STIMATE: variants seen among roughly 807,000 people sequenced by gnomAD.
The protein encoded by STIMATE is STIM activating enhancer, also known as store-operated calcium entry regulator STIMATE.
Under a neutral mutation model 36.7 loss-of-function variants are expected in STIMATE, and 15 were observed. The observed-to-expected ratio is 0.41, with a 90% CI of 0.27 to 0.63. STIMATE has a LOEUF of 0.63. Among genes scored for constraint, STIMATE ranks in the 20% least tolerant of loss-of-function variants. STIMATE has a pLI of 0.32. For synonymous variants in STIMATE, 163 were observed against 162.3 expected (o/e 1.00, Z -0.03); for missense variants, 305 against 397.3 (o/e 0.77, Z 1.98).
In STIMATE at chr3:52,873,564, A is replaced by G. The variant is rs1436239307; in HGVS notation, c.161-18120T>C. On this transcript the variant is annotated intron_variant, in intron 1 of 7. Coordinates refer to ENST00000355083, the MANE Select transcript of STIMATE (RefSeq NM_198563.5). The stretch of plus-strand genomic sequence containing the variant: ...ACTGGTACCAAGGGTAGCCTCAGTG[A>G]ACTAACTGAGCCTTCTGGGAACCAG... 2.0e-5 allele frequency among the ~76,000 whole-genome samples: 3 copies of G among 152,174 alleles called. No individual in the cohort carries two copies. In the East Asian group the frequency reaches 5.8e-4, roughly 29 times the overall value.
intron 1 of STIMATE, among the ~76,000 whole-genome samples, chr3:52,859,915 C>T (rs1701186292): frequency 6.6e-6 from 1 of 151,988 alleles, no homozygotes; most frequent in African/African-American, 2.4e-5. Context: ...TGCCCTGAGA[C>T]AGCCACATAT....
At chr3:52,883,839 CTG>C (rs1701649204) in intron 1 of STIMATE, among the ~76,000 whole-genome samples, 1 of 152,090 alleles carries the variant, frequency 6.6e-6, no homozygotes, top group Non-Finnish European at 1.5e-5. Flanking sequence ...ATATTTATAA[CTG>C]TTTTTCAATC....
intron 1 of STIMATE, among the ~76,000 whole-genome samples, chr3:52,863,171 A>G (rs1020900387): frequency 7.2e-5 from 11 of 152,328 alleles, no homozygotes; most frequent in Middle Eastern, 3.4e-3. Context: ...TTTTCTTTCA[A>G]TGAAATTCAG....
intron 1 of STIMATE, among the ~76,000 whole-genome samples, chr3:52,875,412 C>G (rs1559496856): frequency 6.6e-6 from 1 of 152,178 alleles, no homozygotes; most frequent in Non-Finnish European, 1.5e-5. Context: ...TCAAGCAGCA[C>G]AGACATTAAT....
intron 1 of STIMATE, among the ~76,000 whole-genome samples, chr3:52,868,300 C>G (rs530449485): frequency 6.6e-6 from 1 of 152,220 alleles, no homozygotes; most frequent in South Asian, 2.1e-4. Flanking sequence ...TATTTCCCAG[C>G]CTCCCCTGCT....
rs370545730 is a variant in STIMATE at position 52,873,010 on chromosome 3, G to A, written c.161-17566C>T. The stretch of plus-strand genomic sequence containing the variant: ...TTTTGGTAAAGACTTAATTTCTTCT[G>A]AACCAGATGAAGCCCAGGTTCTAAG... On this transcript the variant is annotated intron_variant, in intron 1 of 7. Transcript: ENST00000355083. Among the ~76,000 whole-genome samples the A allele has an allele frequency of 2.6e-5, 4 of 152,328 alleles. 1 individual carries two copies.
chr3:52,840,642 C>A (rs1195365562), intron 7 of STIMATE, 32 bp from the exon 8 acceptor site: 1 of 1,597,488 alleles, frequency 6.3e-7, no homozygotes, highest in Non-Finnish European at 8.5e-7. Flanking sequence ...GCCTGAGTCA[C>A]CCCCAGCAGG....
intron 2 of STIMATE, among the ~76,000 whole-genome samples, chr3:52,853,821 T>A (rs1559491532): frequency 6.7e-6 from 1 of 148,874 alleles, no homozygotes; most frequent in Non-Finnish European, 1.5e-5. Flanking sequence ...ATTACTGACG[T>A]TTCCTCTGAA....
intron 4 of STIMATE, among the ~76,000 whole-genome samples, chr3:52,846,294 G>C (rs988377624): frequency 1.3e-5 from 2 of 152,226 alleles, no homozygotes; most frequent in Non-Finnish European, 1.5e-5. Context: ...ATCCCTCCTT[G>C]CTAGGTTGTT....
In STIMATE at chr3:52,838,210, T is replaced by C. The variant is rs1276865125; in HGVS notation, c.*2284A>G. On this transcript the variant is annotated 3_prime_UTR_variant, in exon 8 of 8. Transcript: ENST00000355083. ...TTTGTTCCCCAAACCCTCTGCTCAC[T>C]GGGAAGTGGGCAAAGCCTTCAGATG... 6.6e-6 allele frequency: 1 copy of C among 152,178 alleles called. No individual in the cohort carries two copies. Among genetic ancestry groups the C allele is most frequent in the East Asian group, 1.9e-4 (1 of 5,188 alleles). 9.4% of individuals were successfully genotyped at this position (152,178 alleles called of 1,614,324 possible). A position where few individuals can be genotyped will look rare whatever the true frequency, so the allele number is the denominator to read the frequency against.
At position 52,855,343 on chromosome 3, in the gene STIMATE, AC is replaced by A. The variant is rs1701074060; in HGVS notation, c.209+52del. On this transcript the variant is annotated intron_variant, in intron 2 of 7. Coordinates refer to ENST00000355083, the MANE Select transcript of STIMATE (RefSeq NM_198563.5). ...ACCATACCCCACCCCCAGCCCCAAGACCCCCAACATAGTCAAAAGCACTCCA... is the reference window on the plus strand; with the variant it reads ...ACCATACCCCACCCCCAGCCCCAAGACCCCAACATAGTCAAAAGCACTCCA... The A allele has an allele frequency of 3.2e-6, 5 of 1,584,508 alleles. No individual in the cohort carries two copies. The Admixed American group carries it at 8.6e-5, about 27-fold the overall frequency.
At chr3:52,875,657 G>A (rs1007581030) in intron 1 of STIMATE, among the ~76,000 whole-genome samples, 1 of 152,196 alleles carries the variant, frequency 6.6e-6, no homozygotes, top group African/African-American at 2.4e-5. Flanking sequence ...GGAGTCTTGA[G>A]GTCCACCTGT....
intron 1 of STIMATE, among the ~76,000 whole-genome samples, chr3:52,889,144 C>A (rs1346131589): frequency 6.6e-6 from 1 of 152,290 alleles, no homozygotes; most frequent in South Asian, 2.1e-4. Flanking sequence ...AGTAAGTCAG[C>A]GGAGAAGGCT....
intron 1 of STIMATE, among the ~76,000 whole-genome samples, chr3:52,893,061 G>C (rs115151801): frequency 0.017 from 2,558 of 147,006 alleles, 68 homozygotes; most frequent in African/African-American, 0.06. Context: ...AAAAAAAAAA[G>C]TGTGCATGTA....
chr3:52,840,700 G>GTT (rs71901519), intron 7 of STIMATE, 90 bp from the exon 8 acceptor site: 1,806 of 796,276 alleles, frequency 2.3e-3, no homozygotes, highest in Middle Eastern at 3.9e-3. Context: ...CAAGTCTCAT[G>GTT]TTTTTTTTTT....
intron 1 of STIMATE, among the ~76,000 whole-genome samples, chr3:52,865,075 T>C (rs1263331389): frequency 6.6e-6 from 1 of 152,032 alleles, no homozygotes; most frequent in Non-Finnish European, 1.5e-5. Flanking sequence ...GCCTCCTGAG[T>C]AGCTGGGACT....
At chr3:52,894,412 G>A (rs1487832360) in intron 1 of STIMATE, among the ~76,000 whole-genome samples, 1 of 152,150 alleles carries the variant, frequency 6.6e-6, no homozygotes, top group Non-Finnish European at 1.5e-5. Context: ...TGGACCAAGA[G>A]GGTCTATAAA....
chr3:52,852,662 C>G lies in STIMATE; in HGVS notation c.246G>C (p.Leu82=). Residue 82 remains leucine (L), a synonymous_variant, in exon 3 of 8, where the codon CTG becomes CTC. Coordinates refer to ENST00000355083, the MANE Select transcript of STIMATE (RefSeq NM_198563.5). ...GGTATACATTTGCAAAGTGGATGAA[C>G]AGCATTCCTATGGCTTGTTTGGAAG... ...LDTSKQAIGM[L]FIHFANVYLA... 1 of 1,614,196 alleles carries G rather than the reference C, an allele frequency of 6.2e-7. No individual in the cohort carries two copies. Among genetic ancestry groups the G allele is most frequent in the African/African-American group, 1.3e-5 (1 of 75,046 alleles).
chr3:52,840,027 A>ACC lies in STIMATE; in HGVS notation c.*466_*467insGG. ...ATAGTTACAAAAGCCATTTTGAGTA[A>ACC]GAAAGCATTCCGGTTCCAACTTGGT... On this transcript the variant is annotated 3_prime_UTR_variant, in exon 8 of 8. Coordinates refer to ENST00000355083, the MANE Select transcript of STIMATE (RefSeq NM_198563.5). The ACC allele has an allele frequency of 6.5e-6, 1 of 152,676 alleles. No homozygotes were observed. Among genetic ancestry groups the ACC allele is most frequent in the Non-Finnish European group, 1.5e-5 (1 of 68,042 alleles). The allele number at this position is 152,676 out of a possible 1,614,324, so 9.5% of individuals were successfully genotyped here. A position where few individuals can be genotyped will look rare whatever the true frequency, so the allele number is the denominator to read the frequency against.
Sources: gnomAD v4.1 joint callset for allele counts (sites outside exome capture counted in the v4.1 genomes callset) on GRCh38, gnomAD v4.1.1 for gene constraint, MANE v1.5 for transcripts, NCBI Gene and HGNC (gene_info 2026-07-23, HGNC 2026-07-21) for gene names.